The following ANO4 variants were observed in gnomAD, a reference collection of about 807,000 sequenced individuals.
The protein encoded by ANO4 is anoctamin 4.
Under a neutral mutation model 141.9 loss-of-function variants are expected in ANO4, and 69 were observed. The ratio of observed to expected loss-of-function variants is 0.49; its 90% CI spans 0.40 to 0.59. The LOEUF is 0.59. Ranked by LOEUF, ANO4 falls within the 20% of genes least tolerant of loss-of-function variation. The pLI, the probability that ANO4 is intolerant of heterozygous loss-of-function variation, is 0.00. For missense variants in ANO4, 894 were observed against 1,162.2 expected (o/e 0.77, Z 3.36); for synonymous variants, 350 against 394.3 (o/e 0.89, Z 1.33).
intron 1 of ANO4, among the ~76,000 whole-genome samples, chr12:100,720,629 T>C (rs940238904): frequency 1.3e-5 from 2 of 152,060 alleles, no homozygotes; most frequent in African/African-American, 4.8e-5. Context: ...CTGGGTTCTC[T>C]CAAACTTTTA....
At chr12:100,801,645 G>A (rs1157125388) in intron 1 of ANO4, among the ~76,000 whole-genome samples, 2 of 151,696 alleles carry the variant, frequency 1.3e-5, no homozygotes, top group Admixed American at 1.3e-4. Flanking sequence ...AGATAAGGCA[G>A]GGGGTAGAAA....
At chr12:100,949,924 A>G (rs1318017569) in intron 5 of ANO4, among the ~76,000 whole-genome samples, 1 of 152,186 alleles carries the variant, frequency 6.6e-6, no homozygotes, top group East Asian at 1.9e-4. Flanking sequence ...CTTTACCCCC[A>G]TTCAAAGGAA....
chr12:101,078,310 TGTGA>T (rs2049105094), intron 14 of ANO4, among the ~76,000 whole-genome samples: 1 of 148,244 alleles, frequency 6.7e-6, no homozygotes, highest in African/African-American at 2.5e-5. Context: ...ATTCTCAGAG[TGTGA>T]GTGAGAGAGT....
chr12:100,896,563 A>G (rs1342513024), intron 1 of ANO4, among the ~76,000 whole-genome samples: 3 of 152,216 alleles, frequency 2.0e-5, no homozygotes, highest in Non-Finnish European at 4.4e-5. Context: ...GGTGAGAGAC[A>G]CCTGGCCTTC....
intron 8 of ANO4, among the ~76,000 whole-genome samples, chr12:100,998,602 G>C (rs1566108229): frequency 6.6e-6 from 1 of 152,124 alleles, no homozygotes; most frequent in Admixed American, 6.5e-5. Context: ...TAACCAGTGG[G>C]TACACATCTC....
At chr12:101,018,551 C>G (rs1408542539) in intron 8 of ANO4, among the ~76,000 whole-genome samples, 2 of 152,222 alleles carry the variant, frequency 1.3e-5, no homozygotes, top group Non-Finnish European at 2.9e-5. Flanking sequence ...AAACCCCATG[C>G]TTGGACTACT....
chr12:100,782,481 T>C (rs1014346710), intron 3 of ANO4, among the ~76,000 whole-genome samples: 2 of 152,240 alleles, frequency 1.3e-5, no homozygotes, highest in African/African-American at 4.8e-5. Flanking sequence ...ATTGCATTTA[T>C]CTGCCTCTCT....
intron 14 of ANO4, among the ~76,000 whole-genome samples, chr12:101,059,313 C>T (rs2048252645): frequency 6.6e-6 from 1 of 152,122 alleles, no homozygotes; most frequent in Admixed American, 6.5e-5. Flanking sequence ...TGATATTGGC[C>T]TGAAATTTTC....
chr12:101,075,729 T>A (rs199977207), intron 14 of ANO4, among the ~76,000 whole-genome samples: 1 of 144,434 alleles, frequency 6.9e-6, no homozygotes, highest in South Asian at 2.1e-4. Context: ...ATATATATCT[T>A]TATATATATA....
At chr12:100,790,743 G>A (rs571823103), upstream of ANO4, among the ~76,000 whole-genome samples, 9 of 152,292 alleles carry the variant, frequency 5.9e-5, no homozygotes, top group East Asian at 1.7e-3. Context: ...GCTAAGGAAT[G>A]CTGACTGTGC....
chr12:101,069,197 CT>C, intron 14 of ANO4: 2 of 1,284,606 alleles, frequency 1.6e-6, no homozygotes, highest in Non-Finnish European at 2.3e-6. Context: ...CAGTGTCTCC[CT>C]TTTGCAGAGC....
At chr12:100,866,931 G>A (rs1361927081) in intron 1 of ANO4, among the ~76,000 whole-genome samples, 1 of 152,204 alleles carries the variant, frequency 6.6e-6, no homozygotes, top group Non-Finnish European at 1.5e-5. Flanking sequence ...CTTTGTAGAA[G>A]TTGTCTCCTC....
At chr12:100,889,723 A>G (rs1404806379) in intron 1 of ANO4, among the ~76,000 whole-genome samples, 1 of 152,210 alleles carries the variant, frequency 6.6e-6, no homozygotes, top group Non-Finnish European at 1.5e-5. Context: ...GGCAATCATT[A>G]AAAAGTCAGG....
At chr12:100,869,665 GT>G (rs1032412538) in intron 1 of ANO4, among the ~76,000 whole-genome samples, 2 of 152,162 alleles carry the variant, frequency 1.3e-5, no homozygotes, top group Admixed American at 1.3e-4. Flanking sequence ...AAAATGAGGG[GT>G]TGCTGCAGTT....
At chr12:101,082,716 G>A (rs757357226) in intron 15 of ANO4, among the ~76,000 whole-genome samples, 40 of 151,734 alleles carry the variant, frequency 2.6e-4, no homozygotes, top group Non-Finnish European at 4.0e-4. Context: ...TGCTACATGG[G>A]CAGGCTGCTG....
intron 1 of ANO4, among the ~76,000 whole-genome samples, chr12:100,835,712 A>G (rs76086581): frequency 0.016 from 2,487 of 152,184 alleles, 82 homozygotes; most frequent in African/African-American, 0.057. Context: ...CTCAAGGAAC[A>G]CCAAAATGTA....
chr12:100,885,918 G>A (rs1183232613), intron 1 of ANO4, among the ~76,000 whole-genome samples: 1 of 152,150 alleles, frequency 6.6e-6, no homozygotes, highest in African/African-American at 2.4e-5. Flanking sequence ...TTGTTTGGAT[G>A]TCCCAGGGGA....
chr12:101,103,183 T>TTATA (rs71091476), intron 22 of ANO4, among the ~76,000 whole-genome samples: 44 of 18,560 alleles, frequency 2.4e-3, no homozygotes, highest in South Asian at 6.5e-3. Flanking sequence ...TTTAGTCATT[T>TTATA]TATATATATA....
chr12:100,792,654 A>G (rs970564302), upstream of ANO4, among the ~76,000 whole-genome samples: 2 of 152,200 alleles, frequency 1.3e-5, no homozygotes, highest in Non-Finnish European at 2.9e-5. Flanking sequence ...TTATTGATCA[A>G]TTGTCATATA....
Sources: gnomAD v4.1 joint callset for allele counts (sites outside exome capture counted in the v4.1 genomes callset) on GRCh38, gnomAD v4.1.1 for gene constraint, MANE v1.5 for transcripts, NCBI Gene and HGNC (gene_info 2026-07-23, HGNC 2026-07-21) for gene names.